The following TXLNA variants were observed in gnomAD, a reference collection of about 807,000 sequenced individuals.
TXLNA encodes alpha-taxilin.
A neutral mutation model predicts 61.4 loss-of-function variants in TXLNA; 9 were observed. The observed-to-expected ratio is 0.15, with a 90% confidence interval of 0.09 to 0.26. The LOEUF (loss-of-function observed/expected upper bound fraction) is 0.26. Ranked by LOEUF, TXLNA falls within the 10% of genes least tolerant of loss-of-function variation. The pLI is 1.00. For missense variants in TXLNA, 565 were observed against 688.8 expected (o/e 0.82, Z 2.01); for synonymous variants, 257 against 267.7 (o/e 0.96, Z 0.39).
intron 4 of TXLNA, among the ~76,000 whole-genome samples, chr1:32,185,039 G>C (rs1188749904): frequency 6.6e-6 from 1 of 152,122 alleles, no homozygotes; most frequent in East Asian, 1.9e-4. Context: ...ACTTTTAACA[G>C]AAACTAGACT....
In TXLNA at chr1:32,196,986, T is replaced by G. The variant is rs1409165452; in HGVS notation, c.*1791T>G. Reference sequence around the variant, plus strand: ...ATCTAGGTGCCCTCAAGCAGCTGTGTGAGTGTTGAGATCTCTGCCATCTCT... The same window carrying G: ...ATCTAGGTGCCCTCAAGCAGCTGTGGGAGTGTTGAGATCTCTGCCATCTCT... On this transcript the variant is annotated 3_prime_UTR_variant, in exon 11 of 11. Coordinates refer to ENST00000373610, the MANE Select transcript of TXLNA (RefSeq NM_175852.4). 1 of 152,260 alleles carries G rather than the reference T, an allele frequency of 6.6e-6. No individual in the cohort carries two copies. The highest frequency in any genetic ancestry group is 2.4e-5 in the African/African-American group (1 of 41,456). The allele number at this position is 152,260 out of a possible 1,614,324, so 9.4% of individuals were successfully genotyped here. A position where few individuals can be genotyped will look rare whatever the true frequency, so the allele number is the denominator to read the frequency against.
At chr1:32,191,249 G>C (rs1043741118) in intron 6 of TXLNA, among the ~76,000 whole-genome samples, 7 of 152,158 alleles carry the variant, frequency 4.6e-5, no homozygotes, top group African/African-American at 1.7e-4. Flanking sequence ...CCCCTTACAG[G>C]GCTGGCAGAG....
rs561673966 is a variant in TXLNA at position 32,180,774 on chromosome 1, C to A, written c.169+260C>A. On this transcript the variant is annotated intron_variant, in intron 2 of 10. Coordinates refer to ENST00000373610, the MANE Select transcript of TXLNA (RefSeq NM_175852.4). ...CAAACGAGGCACCCAGTCAGGAAAT[C>A]CAGGTCCCGTTAGAAACACCTCAGC... Among the ~76,000 whole-genome samples the A allele has an allele frequency of 3.9e-5, 6 of 152,362 alleles. No homozygotes were observed. In the South Asian group the frequency reaches 1.0e-3, roughly 26 times the overall value.
In TXLNA at chr1:32,196,419, A is replaced by C. The variant is rs1350298099; in HGVS notation, c.*1224A>C. ...CTCCCTGCCTGTCCTTGGGGATTCT[A>C]CTTCTTCCTGTGTGGGAGCCCATAG... On this transcript the variant is annotated 3_prime_UTR_variant, in exon 11 of 11. Transcript: ENST00000373610. 6.6e-6 allele frequency: 1 copy of C among 152,114 alleles called. No individual in the cohort carries two copies. The highest frequency in any genetic ancestry group is 2.4e-5 in the African/African-American group (1 of 41,388). The allele number at this position is 152,114 out of a possible 1,614,324, so 9.4% of individuals were successfully genotyped here.
At chr1:32,180,644 G>T in intron 2 of TXLNA, 130 bp downstream of exon 2, 1 of 1,215,092 alleles carries the variant, frequency 8.2e-7, no homozygotes, top group Non-Finnish European at 1.1e-6. Flanking sequence ...AGTGCTGGGG[G>T]CCGCGGTCCC....
intron 4 of TXLNA, among the ~76,000 whole-genome samples, chr1:32,185,251 G>GT (rs1642755745): frequency 6.6e-6 from 1 of 152,026 alleles, no homozygotes; most frequent in Non-Finnish European, 1.5e-5. Context: ...CCACTTTGTT[G>GT]TAACATTGTT....
In TXLNA at chr1:32,181,257, C is replaced by CGGCTCAGTCTGG. The variant is rs763238131; in HGVS notation, c.189_200dup (p.Gln64_Ala67dup). Reference sequence around the variant, plus strand: ...CCTGCTGTAGGGGCTCAAGCCAGAACGGCTCAGTCTGGGGCCCTTCGTGAT... The same window carrying CGGCTCAGTCTGG: ...CCTGCTGTAGGGGCTCAAGCCAGAACGGCTCAGTCTGGGGCTCAGTCTGGGGCCCTTCGTGAT... On this transcript the variant is annotated inframe_insertion, in exon 3 of 11. Transcript: ENST00000373610. 376 of 1,592,656 alleles carry CGGCTCAGTCTGG rather than the reference C, an allele frequency of 2.4e-4. 1 individual carries two copies. Among genetic ancestry groups the CGGCTCAGTCTGG allele is most frequent in the Middle Eastern group, 3.4e-4 (2 of 5,940 alleles).
At chr1:32,194,015 C>T in intron 9 of TXLNA, 50 bp from the exon 10 acceptor site, 1 of 1,510,752 alleles carries the variant, frequency 6.6e-7, no homozygotes, top group East Asian at 2.3e-5. Context: ...AGACACAGAC[C>T]TTGGAGAGGC....
chr1:32,191,553 T>C (rs1404027095), intron 6 of TXLNA, among the ~76,000 whole-genome samples: 1 of 151,902 alleles, frequency 6.6e-6, no homozygotes, highest in East Asian at 1.9e-4. Flanking sequence ...CCCCGTTTTC[T>C]CTCCCCGCCA....
Position 32,190,174 on chromosome 1 carries a change from C to T in TXLNA, c.888C>T (p.Ser296=). 6.2e-7 allele frequency: 1 copy of T among 1,602,308 alleles called. No homozygotes were observed. The highest frequency in any genetic ancestry group is 8.5e-7 in the Non-Finnish European group (1 of 1,174,266). The change falls in exon 6 of 11, where the codon TCC becomes TCT. Residue 296 remains serine (S), a synonymous_variant. Coordinates refer to ENST00000373610, the MANE Select transcript of TXLNA (RefSeq NM_175852.4). Reference sequence around the variant, plus strand: ...TGGAACAGCACAATGAGCGCAACTCCAAGCTGCGCCAAGAGAACATGGAGC... The same window carrying T: ...TGGAACAGCACAATGAGCGCAACTCTAAGCTGCGCCAAGAGAACATGGAGC... The part of the protein sequence containing the change: ...LQMEQHNERN[S]KLRQENMELA...
At position 32,190,197 on chromosome 1, in the gene TXLNA, A is replaced by G; in HGVS notation, c.911A>G (p.Glu304Gly). 4.4e-6 allele frequency: 7 copies of G among 1,605,532 alleles called. No homozygotes were observed. The highest frequency in any genetic ancestry group is 6.0e-6 in the Non-Finnish European group (7 of 1,175,782). Residue 304 changes from glutamate (E) to glycine (G), a missense_variant, in exon 6 of 11, where the codon GAG becomes GGG. By Grantham distance (98) the Glu-to-Gly change is moderately conservative (BLOSUM62 -2). Around this residue, in one of 2 missense-constraint regions of TXLNA, gnomAD observed 373 missense variants for 504.0 expected, o/e 0.74. Coordinates refer to ENST00000373610, the MANE Select transcript of TXLNA (RefSeq NM_175852.4). ...TCCAAGCTGCGCCAAGAGAACATGG[A>G]GCTGGCTGAGAGGCTCAAGAAGCTG... is the stretch of plus-strand genomic sequence containing the variant. ...RNSKLRQENM[E>G]LAERLKKLIE...
At chr1:32,189,711 T>C (rs1324827593) in intron 5 of TXLNA, among the ~76,000 whole-genome samples, 1 of 151,960 alleles carries the variant, frequency 6.6e-6, no homozygotes, top group Non-Finnish European at 1.5e-5. Flanking sequence ...CGCCGGCTAA[T>C]TTTTGTATTT....
intron 4 of TXLNA, among the ~76,000 whole-genome samples, chr1:32,185,354 CTGTGTATGTATGTATG>C (rs1039722302): frequency 2.0e-5 from 3 of 150,806 alleles, no homozygotes. Context: ...TGGTCACAGC[CTGTGTATGTATGTATG>C]TATGTATGTA....
intron 9 of TXLNA, 34 bp from the exon 10 acceptor site, chr1:32,194,031 C>G (rs1642961630): frequency 6.3e-7 from 1 of 1,582,554 alleles, no homozygotes; most frequent in Non-Finnish European, 8.6e-7. Context: ...GAGGCCAGCT[C>G]TGACCATTTC....
chr1:32,190,334 GC>G, intron 6 of TXLNA, 85 bp downstream of exon 6: 1 of 1,289,756 alleles, frequency 7.8e-7, no homozygotes, highest in Non-Finnish European at 1.1e-6. Flanking sequence ...ACCTTTTCAG[GC>G]TTCATCCCAT....
chr1:32,187,942 C>T lies in TXLNA; in HGVS notation c.598-12C>T, dbSNP rs1319304513. ...CAAGATGCTCACCTGCCCTCCCTAT[C>T]CCTGTCCCCAGCTGGAGGAGCACCG... is the stretch of plus-strand genomic sequence containing the variant. On this transcript the variant is annotated splice_polypyrimidine_tract_variant and intron_variant, in intron 4 of 10. Coordinates refer to ENST00000373610, the MANE Select transcript of TXLNA (RefSeq NM_175852.4). 6.2e-7 allele frequency: 1 copy of T among 1,612,654 alleles called. No homozygotes were observed. Among genetic ancestry groups the T allele is most frequent in the Admixed American group, 1.7e-5 (1 of 59,916 alleles).
chr1:32,195,999 C>CTT lies in TXLNA; in HGVS notation c.*813_*814dup, dbSNP rs371779212. ...TTTCTTTTTTTTTTTTTTTCTTTTTCTTTTTTTTTTGCACATGACAGTGTT... is the reference window on the plus strand; with the variant it reads ...TTTCTTTTTTTTTTTTTTTCTTTTTCTTTTTTTTTTTTGCACATGACAGTGTT... On this transcript the variant is annotated 3_prime_UTR_variant, in exon 11 of 11. Transcript: ENST00000373610. The CTT allele has an allele frequency of 3.6e-5, 5 of 140,690 alleles. No homozygotes were observed. Among genetic ancestry groups the CTT allele is most frequent in the African/African-American group, 3.3e-5 (1 of 29,962 alleles). 8.7% of individuals were successfully genotyped at this position (140,690 alleles called of 1,614,324 possible). A position where few individuals can be genotyped will look rare whatever the true frequency, so the allele number is the denominator to read the frequency against.
intron 6 of TXLNA, among the ~76,000 whole-genome samples, chr1:32,191,296 G>A (rs1642901951): frequency 1.3e-5 from 2 of 152,084 alleles, no homozygotes; most frequent in South Asian, 2.1e-4. Flanking sequence ...TAGCCCCTGG[G>A]GTGTGGCAGT....
chr1:32,183,487 C>A (rs1642714179), intron 3 of TXLNA, among the ~76,000 whole-genome samples: 2 of 114,858 alleles, frequency 1.7e-5, no homozygotes, highest in African/African-American at 3.5e-5. Context: ...AGTGCAGTGG[C>A]GCGATCTCGG....
Sources: allele counts gnomAD v4.1 joint callset (sites outside exome capture counted in the v4.1 genomes callset), GRCh38; gene constraint gnomAD v4.1.1; regional missense constraint gnomAD v4.1.1; transcripts MANE v1.5; gene names NCBI Gene and HGNC (gene_info 2026-07-23, HGNC 2026-07-21).